WASHC2C: variants seen among roughly 807,000 people sequenced by gnomAD.
The protein encoded by WASHC2C is WASH complex subunit 2C.
In WASHC2C, 73 loss-of-function variants were observed where a neutral mutation model predicts 142.2. The ratio of observed to expected loss-of-function variants is 0.51; its 90% CI spans 0.43 to 0.62. The LOEUF is 0.62. Ranked by LOEUF, WASHC2C falls within the 20% of genes least tolerant of loss-of-function variation. WASHC2C has a pLI of 0.00. For missense variants in WASHC2C, 969 were observed against 1,531.7 expected (o/e 0.63, Z 6.13); for synonymous variants, 337 against 565.5 (o/e 0.60, Z 5.73).
At chr10:45,727,642 G>C (rs910857009) in intron 2 of WASHC2C, 103 bp downstream of exon 2, 8 of 1,342,614 alleles carry the variant, frequency 6.0e-6, no homozygotes, top group East Asian at 5.3e-5. Flanking sequence ...CCGTCCCGTT[G>C]CCTGCCCTCT....
At chr10:45,785,486 T>C (rs1554889637) in intron 25 of WASHC2C, 23 bp from the exon 26 acceptor site, 1 of 1,612,330 alleles carries the variant, frequency 6.2e-7, no homozygotes, top group East Asian at 2.2e-5. Flanking sequence ...TGATGCCTTT[T>C]TGGTATTTTT....
In WASHC2C at chr10:45,792,255, C is replaced by A. The variant is rs1334185030; in HGVS notation, c.3887-6C>A. 1.0e-5 allele frequency: 16 copies of A among 1,563,366 alleles called. 4 individuals are homozygous for A. The highest frequency in any genetic ancestry group is 1.4e-5 in the Non-Finnish European group (16 of 1,145,832). ...CAGCAACTGTTTTTCTTTTTTCTTTCTAAAGATGACATCTTCTCCACTGGT... is the reference window on the plus strand; with the variant it reads ...CAGCAACTGTTTTTCTTTTTTCTTTATAAAGATGACATCTTCTCCACTGGT... On this transcript the variant is annotated splice_polypyrimidine_tract_variant and splice_region_variant and intron_variant, in intron 30 of 30. Transcript: ENST00000623400.
intron 27 of WASHC2C, 99 bp downstream of exon 27, chr10:45,786,773 C>G: frequency 6.2e-7 from 1 of 1,602,314 alleles, no homozygotes; most frequent in South Asian, 1.1e-5. Flanking sequence ...ATCTTCTCAT[C>G]TCTTCCCCCG....
intron 15 of WASHC2C, among the ~76,000 whole-genome samples, chr10:45,756,742 G>A (rs1421382025): frequency 6.6e-5 from 10 of 152,186 alleles, no homozygotes; most frequent in Admixed American, 6.5e-4. Flanking sequence ...GCCAGTCCAA[G>A]CTACTCTAAG....
rs1427823297 is a variant in WASHC2C at position 45,750,830 on chromosome 10, A to T, written c.923A>T (p.Glu308Val). 1.9e-6 allele frequency: 3 copies of T among 1,548,156 alleles called. No individual in the cohort carries two copies. The highest frequency in any genetic ancestry group is 1.4e-5 in the African/African-American group (1 of 71,864). ...KGDAMGRVDE[E>V]PTTLPSGEAK... ...GATGCCATGGGTCGAGTGGACGAGG[A>T]GCCGACAAGTGAGCCCCAGCCACGT... The change falls in exon 10 of 31, where the codon GAG (glutamate) becomes GTG (valine). Residue 308 changes from glutamate to valine, a missense_variant. Transcript: ENST00000623400.
chr10:45,762,450 C>T (rs1174005798), intron 17 of WASHC2C, among the ~76,000 whole-genome samples: 1 of 151,876 alleles, frequency 6.6e-6, no homozygotes, highest in African/African-American at 2.4e-5. Flanking sequence ...CCTGCCCCAG[C>T]CTCCCAAAAT....
At chr10:45,784,289 T>TATAA (rs1333007505) in intron 23 of WASHC2C, among the ~76,000 whole-genome samples, 1 of 17,708 alleles carries the variant, frequency 5.6e-5, no homozygotes, top group Non-Finnish European at 1.4e-4. Context: ...TATATATATA[T>TATAA]ACACATATAT....
chr10:45,749,836 A>AAAAAAAAAAT (rs1227809519), intron 8 of WASHC2C, among the ~76,000 whole-genome samples: 7,768 of 100,602 alleles, frequency 0.077, 516 homozygotes, highest in East Asian at 0.25. Context: ...AAAAAAAAAA[A>AAAAAAAAAAT]ATATATATAT....
chr10:45,749,836 A>AAAAATATATAT (rs1227809519), intron 8 of WASHC2C, among the ~76,000 whole-genome samples: 3 of 101,770 alleles, frequency 2.9e-5, no homozygotes, highest in African/African-American at 4.4e-5. Context: ...AAAAAAAAAA[A>AAAAATATATAT]ATATATATAT....
At chr10:45,761,411 T>C (rs544792034) in intron 17 of WASHC2C, among the ~76,000 whole-genome samples, 247 of 149,512 alleles carry the variant, frequency 1.7e-3, no homozygotes, top group African/African-American at 4.6e-3. Context: ...CATCCAGGTT[T>C]ATGGGGAGAG....
intron 30 of WASHC2C, among the ~76,000 whole-genome samples, chr10:45,791,630 T>G (rs2058400099): frequency 6.8e-6 from 1 of 146,306 alleles, no homozygotes; most frequent in Admixed American, 7.1e-5. Context: ...TTGTTTCTGT[T>G]TTCTTTATTA....
chr10:45,727,102 A>G (rs2049935578), upstream of WASHC2C: 1 of 1,388,088 alleles, frequency 7.2e-7, no homozygotes. Flanking sequence ...CTCCGCCCCA[A>G]CCTAGGGTAG....
chr10:45,789,626 C>G, intron 29 of WASHC2C, 135 bp downstream of exon 29: 6 of 1,463,664 alleles, frequency 4.1e-6, no homozygotes. Context: ...TATAATTAGG[C>G]TCTTTTATTA....
At chr10:45,766,915 A>G (rs1427009151) in intron 19 of WASHC2C, among the ~76,000 whole-genome samples, 4 of 152,174 alleles carry the variant, frequency 2.6e-5, no homozygotes, top group Admixed American at 2.6e-4. Flanking sequence ...AGATATGTTC[A>G]TGTCCTTACT....
chr10:45,738,343 C>G (rs1385571345), intron 4 of WASHC2C, among the ~76,000 whole-genome samples: 1 of 150,086 alleles, frequency 6.7e-6, no homozygotes, highest in African/African-American at 2.5e-5. Context: ...TCATTTTTTT[C>G]CTGTGGCTTC....
chr10:45,731,872 G>T (rs2050642911), intron 3 of WASHC2C, among the ~76,000 whole-genome samples: 1 of 140,866 alleles, frequency 7.1e-6, no homozygotes, highest in Non-Finnish European at 1.5e-5. Context: ...TCAGCCCACT[G>T]CAAGCTCTAC....
intron 8 of WASHC2C, among the ~76,000 whole-genome samples, chr10:45,749,836 A>AAAAAAAAATAT (rs1227809519): frequency 7.7e-4 from 78 of 101,748 alleles, no homozygotes; most frequent in East Asian, 3.1e-3. Flanking sequence ...AAAAAAAAAA[A>AAAAAAAAATAT]ATATATATAT....
At chr10:45,743,592 A>C in intron 6 of WASHC2C, 109 bp downstream of exon 6, 13 of 1,217,574 alleles carry the variant, frequency 1.1e-5, no homozygotes, top group Non-Finnish European at 1.5e-5. Flanking sequence ...ACTCTCATAT[A>C]CCCTTCACCT....
intron 8 of WASHC2C, 78 bp downstream of exon 8, chr10:45,746,725 A>G (rs1412859154): frequency 6.4e-6 from 10 of 1,573,984 alleles, no homozygotes; most frequent in African/African-American, 1.4e-5. Flanking sequence ...TTACTTTGGA[A>G]TGATTTATGA....
Sources: allele counts gnomAD v4.1 joint callset (sites outside exome capture counted in the v4.1 genomes callset), GRCh38; gene constraint gnomAD v4.1.1; transcripts MANE v1.5; gene names NCBI Gene and HGNC (gene_info 2026-07-23, HGNC 2026-07-21).